Variants in FOXK2 observed in about 807,000 individuals in gnomAD.
The protein encoded by FOXK2 is forkhead box protein K2.
FOXK2 carries 24 observed loss-of-function variants against 53.3 expected under a neutral mutation model. That is an observed-to-expected ratio of 0.45 (90% CI 0.33 to 0.63). The LOEUF (loss-of-function observed/expected upper bound fraction) is 0.63, where lower values mean the gene tolerates loss of function less well. Ranked by LOEUF, FOXK2 falls within the 30% of genes least tolerant of loss-of-function variation. The probability of loss-of-function intolerance (pLI) is 0.03; values close to 1 mark genes in which losing one functional copy is unlikely to be tolerated. For missense variants in FOXK2, 952 were observed against 910.5 expected (o/e 1.05, Z -0.59); for synonymous variants, 505 against 407.1 (o/e 1.24, Z -2.89).
At chr17:82,581,489 T>TG (rs1313034456) in intron 4 of FOXK2, among the ~76,000 whole-genome samples, 1 of 150,938 alleles carries the variant, frequency 6.6e-6, no homozygotes, top group African/African-American at 2.4e-5. Flanking sequence ...TTTTTTTTTT[T>TG]TTTTGAGATG....
chr17:82,601,239 G>C (rs989326259), intron 8 of FOXK2, 64 bp from the exon 9 acceptor site: 9 of 1,528,882 alleles, frequency 5.9e-6, no homozygotes, highest in Non-Finnish European at 8.0e-6. Flanking sequence ...GTGAGAGCGT[G>C]GGGTTCTGAG....
chr17:82,590,554 T>G lies in FOXK2; in HGVS notation c.1786+3282T>G, dbSNP rs563367240. Among the ~76,000 whole-genome samples, 160 of 152,280 alleles carry G rather than the reference T, an allele frequency of 1.1e-3. 1 individual carries two copies. The highest frequency in any genetic ancestry group is 3.0e-3 in the African/African-American group (125 of 41,558). ...TCATTTAATTGGGTTGTCTTTTTGTTGTGAAATTTGTAGTTCTTTATTCAT... is the reference window on the plus strand; with the variant it reads ...TCATTTAATTGGGTTGTCTTTTTGTGGTGAAATTTGTAGTTCTTTATTCAT... On this transcript the variant is annotated intron_variant, in intron 8 of 8. Coordinates refer to ENST00000335255, the MANE Select transcript of FOXK2 (RefSeq NM_004514.4).
intron 1 of FOXK2, among the ~76,000 whole-genome samples, chr17:82,532,800 T>A (rs1339677368): frequency 6.6e-6 from 1 of 152,022 alleles, no homozygotes; most frequent in Non-Finnish European, 1.5e-5. Flanking sequence ...ACTCCTGACC[T>A]GAGGTGATCT....
intron 3 of FOXK2, 31 bp downstream of exon 3, chr17:82,568,232 TG>T (rs773011686): frequency 1.9e-6 from 3 of 1,609,330 alleles, no homozygotes; most frequent in Non-Finnish European, 1.7e-6. Flanking sequence ...AAGCAGCCCC[TG>T]GGGGACAGTG....
chr17:82,595,459 G>GCC (rs2045300300), intron 8 of FOXK2, among the ~76,000 whole-genome samples: 1 of 152,138 alleles, frequency 6.6e-6, no homozygotes, highest in Non-Finnish European at 1.5e-5. Context: ...GTACAAACAT[G>GCC]TCCAGCTAAT....
chr17:82,570,511 C>T (rs923317898), intron 3 of FOXK2, among the ~76,000 whole-genome samples: 5 of 152,102 alleles, frequency 3.3e-5, no homozygotes, highest in African/African-American at 7.2e-5. Context: ...AAAAGACAAA[C>T]GTCCCTCTGC....
At chr17:82,587,406 G>A in intron 8 of FOXK2, 134 bp downstream of exon 8, 1 of 726,230 alleles carries the variant, frequency 1.4e-6, no homozygotes, top group Non-Finnish European at 2.4e-6. Context: ...CGAAGCTGCA[G>A]GAAATCTAGT....
intron 3 of FOXK2, 53 bp downstream of exon 3, chr17:82,568,254 G>A (rs1459995386): frequency 1.3e-6 from 2 of 1,598,560 alleles, no homozygotes; most frequent in Non-Finnish European, 1.7e-6. Context: ...TGTAGCCACA[G>A]GGCCCTCAAT....
chr17:82,599,447 C>T (rs2045357202), intron 8 of FOXK2: 1 of 152,300 alleles, frequency 6.6e-6, no homozygotes, highest in South Asian at 2.1e-4. Context: ...TCTGCTATTT[C>T]TGTTGCTCAG....
intron 8 of FOXK2, among the ~76,000 whole-genome samples, chr17:82,593,206 G>A (rs36156439): frequency 7.0e-6 from 1 of 142,652 alleles, no homozygotes; most frequent in South Asian, 2.2e-4. Flanking sequence ...GTGCCAGGCA[G>A]AGGCTCTTAT....
intron 8 of FOXK2, among the ~76,000 whole-genome samples, chr17:82,591,508 A>T (rs2045252730): frequency 6.6e-6 from 1 of 152,160 alleles, no homozygotes; most frequent in Non-Finnish European, 1.5e-5. Flanking sequence ...TTCCTCTTAC[A>T]GGAAGGGAAG....
chr17:82,574,129 ACTG>A (rs1319623781), intron 4 of FOXK2, among the ~76,000 whole-genome samples: 1 of 152,156 alleles, frequency 6.6e-6, no homozygotes, highest in African/African-American at 2.4e-5. Flanking sequence ...TCTCTGCTGA[ACTG>A]CTATTAAACT....
At chr17:82,597,258 C>T (rs2045323723) in intron 8 of FOXK2, among the ~76,000 whole-genome samples, 1 of 152,262 alleles carries the variant, frequency 6.6e-6, no homozygotes, top group South Asian at 2.1e-4. Context: ...CCTTATTCAG[C>T]ATCTTTAGAT....
chr17:82,586,642 C>T (rs1040013393), intron 7 of FOXK2, among the ~76,000 whole-genome samples: 2 of 152,030 alleles, frequency 1.3e-5, no homozygotes, highest in African/African-American at 4.8e-5. Flanking sequence ...TGGCTCACAC[C>T]TGTAATCCCA....
chr17:82,593,623 G>GCCT, intron 8 of FOXK2: 1 of 152,456 alleles, frequency 6.6e-6, no homozygotes, highest in Non-Finnish European at 1.5e-5. Context: ...AAGGACCCTT[G>GCCT]CAGAGGGAGC....
chr17:82,558,161 T>TGAA (rs2044752217), intron 1 of FOXK2, among the ~76,000 whole-genome samples: 1 of 151,998 alleles, frequency 6.6e-6, no homozygotes, highest in African/African-American at 2.4e-5. Context: ...TGGGAGACCT[T>TGAA]GTCTCTACAA....
At chr17:82,566,685 C>T (rs556485693) in intron 2 of FOXK2, among the ~76,000 whole-genome samples, 1 of 152,178 alleles carries the variant, frequency 6.6e-6, no homozygotes, top group African/African-American at 2.4e-5. Context: ...ACAGCTGCCA[C>T]CCTGAGGTTG....
chr17:82,545,170 A>G (rs1286927880), intron 1 of FOXK2, among the ~76,000 whole-genome samples: 1 of 152,136 alleles, frequency 6.6e-6, no homozygotes, highest in East Asian at 1.9e-4. Context: ...CACAGATTCT[A>G]AGTATAGCTC....
intron 6 of FOXK2, 43 bp from the exon 7 acceptor site, chr17:82,585,861 A>G (rs962000752): frequency 1.3e-6 from 2 of 1,576,640 alleles, no homozygotes; most frequent in Non-Finnish European, 1.7e-6. Flanking sequence ...TGTTTGTAGA[A>G]GTCAGTATCT....
Sources: gnomAD v4.1 joint callset for allele counts (sites outside exome capture counted in the v4.1 genomes callset) on GRCh38, gnomAD v4.1.1 for gene constraint, MANE v1.5 for transcripts, NCBI Gene and HGNC (gene_info 2026-07-23, HGNC 2026-07-21) for gene names.